The following DNM1L variants were observed in gnomAD, a reference collection of about 807,000 sequenced individuals.
The protein encoded by DNM1L is dynamin-1-like protein.
A neutral mutation model predicts 92.8 loss-of-function variants in DNM1L; 33 were observed. The ratio of observed to expected loss-of-function variants is 0.36; its 90% CI spans 0.27 to 0.48. DNM1L has a LOEUF of 0.48. Among genes scored for constraint, DNM1L ranks in the 20% least tolerant of loss-of-function variants. The pLI, the probability that DNM1L is intolerant of heterozygous loss-of-function variation, is 0.99. For missense variants in DNM1L, 485 were observed against 888.8 expected, an observed-to-expected ratio of 0.55 and a Z score of 5.78; for synonymous variants, 284 against 305.0, an observed-to-expected ratio of 0.93 and a Z score of 0.72.
At chr12:32,736,495 C>G (rs1191625405) in intron 13 of DNM1L, among the ~76,000 whole-genome samples, 1 of 152,156 alleles carries the variant, frequency 6.6e-6, no homozygotes, top group Non-Finnish European at 1.5e-5. Context: ...CAAATTAGAA[C>G]AGTAGGCAAT....
intron 1 of DNM1L, among the ~76,000 whole-genome samples, chr12:32,694,226 C>T (rs1255345229): frequency 6.6e-6 from 1 of 152,192 alleles, no homozygotes; most frequent in African/African-American, 2.4e-5. Flanking sequence ...GCTGGGACTA[C>T]AGGTGCGTGC....
chr12:32,732,446 C>G (rs566219115), intron 12 of DNM1L: 2 of 447,464 alleles, frequency 4.5e-6, no homozygotes, highest in Non-Finnish European at 8.9e-6. Flanking sequence ...CTGAAATTGG[C>G]AGAAATATGG....
intron 9 of DNM1L, among the ~76,000 whole-genome samples, chr12:32,729,723 G>T (rs1227876512): frequency 1.3e-5 from 2 of 152,184 alleles, no homozygotes; most frequent in African/African-American, 2.4e-5. Flanking sequence ...GCCTTCCAAA[G>T]TGTTGGGATT....
At chr12:32,715,625 G>A (rs992597191) in intron 6 of DNM1L, among the ~76,000 whole-genome samples, 1 of 152,058 alleles carries the variant, frequency 6.6e-6, no homozygotes, top group Non-Finnish European at 1.5e-5. Context: ...CCAGCTACTG[G>A]GGAGGCTGAG....
rs186286949 is a variant in DNM1L, at chr12:32,704,583, C to A, written c.251-2784C>A. Among the ~76,000 whole-genome samples the A allele has an allele frequency of 2.2e-3, 341 of 151,712 alleles. 4 individuals carry two copies. The highest frequency in any genetic ancestry group is 0.021 in the Middle Eastern group (6 of 290). On this transcript the variant is annotated intron_variant, in intron 2 of 19. Transcript: ENST00000549701. Reference sequence around the variant, plus strand: ...AAAAAAAATGCAAACATACATGTTTCGTAGAATAATGCTTAAAATCTTGGT... The same window carrying A: ...AAAAAAAATGCAAACATACATGTTTAGTAGAATAATGCTTAAAATCTTGGT...
At chr12:32,730,439 A>T (rs1954477540) in intron 9 of DNM1L, among the ~76,000 whole-genome samples, 1 of 152,238 alleles carries the variant, frequency 6.6e-6, no homozygotes, top group South Asian at 2.1e-4. Context: ...CGGGTGGCTC[A>T]CGCCTGTGAT....
chr12:32,735,835 C>G (rs1251504844), intron 13 of DNM1L, among the ~76,000 whole-genome samples: 1 of 152,060 alleles, frequency 6.6e-6, no homozygotes, highest in African/African-American at 2.4e-5. Context: ...CAAGATCACA[C>G]CACTGCACTC....
chr12:32,729,526 G>A (rs1374037305), intron 9 of DNM1L, among the ~76,000 whole-genome samples: 1 of 152,056 alleles, frequency 6.6e-6, no homozygotes, highest in Non-Finnish European at 1.5e-5. Flanking sequence ...CACAGTTTGG[G>A]CCAGTCTCTG....
intron 5 of DNM1L, 62 bp downstream of exon 5, chr12:32,711,077 A>G: frequency 7.4e-7 from 1 of 1,360,516 alleles, no homozygotes; most frequent in Non-Finnish European, 1.1e-6. Context: ...ATCCCATATG[A>G]GAATAATCAG....
At chr12:32,703,051 CTCTCTCTT>C (rs1952775398) in intron 2 of DNM1L, among the ~76,000 whole-genome samples, 5 of 143,448 alleles carry the variant, frequency 3.5e-5, no homozygotes, top group African/African-American at 5.2e-5. Context: ...GTCTTTCTCT[CTCTCTCTT>C]TTTTTTTTTT....
Position 32,743,367 on chromosome 12 carries a change from C to A in DNM1L, c.2168C>A (p.Ala723Asp). The change falls in exon 20 of 20, where the codon GCC (alanine) becomes GAC (aspartate). Residue 723 changes from alanine (A) to aspartate (D), a missense_variant. Coordinates refer to ENST00000549701, the MANE Select transcript of DNM1L (RefSeq NM_012062.5). ...CCTTTAATGCAGGCATTACAAGGAG[C>A]CAGTCAAATTATTGCTGAAATCCGG... The part of the protein sequence containing the change: ...AADMLKALQG[A>D]SQIIAEIRET... 1 of 1,613,814 alleles carries A rather than the reference C, an allele frequency of 6.2e-7. No homozygotes were observed. The highest frequency in any genetic ancestry group is 8.5e-7 in the Non-Finnish European group (1 of 1,179,966).
At chr12:32,703,109 T>C (rs1349040471) in intron 2 of DNM1L, among the ~76,000 whole-genome samples, 2 of 151,792 alleles carry the variant, frequency 1.3e-5, no homozygotes, top group African/African-American at 4.8e-5. Flanking sequence ...AGAGGGCCCA[T>C]GATATCCTGT....
intron 9 of DNM1L, among the ~76,000 whole-genome samples, chr12:32,724,047 C>T (rs1427859190): frequency 3.3e-5 from 5 of 152,164 alleles, no homozygotes; most frequent in Non-Finnish European, 4.4e-5. Flanking sequence ...AGTCCACCCT[C>T]GCCATCGTCA....
rs1231369592 is a variant in DNM1L, at chr12:32,724,622, AT to A, written c.1079+1991del. On this transcript the variant is annotated intron_variant, in intron 9 of 19. Transcript: ENST00000549701. ...TATATATATATATATATATATATAA[AT>A]TATATTAATTAAATATAAATTAAAT... Among the ~76,000 whole-genome samples the A allele has an allele frequency of 3.6e-3, 503 of 138,994 alleles. 4 individuals are homozygous for A. Among genetic ancestry groups the A allele is most frequent in the Middle Eastern group, 7.6e-3 (2 of 264 alleles). 91.2% of individuals were successfully genotyped at this position (138,994 alleles called of 152,430 possible).
intron 2 of DNM1L, 99 bp downstream of exon 2, chr12:32,701,661 T>C: frequency 9.3e-7 from 1 of 1,073,096 alleles, no homozygotes; most frequent in East Asian, 2.5e-5. Context: ...TTAGTGACTG[T>C]AGCATAGTTA....
intron 1 of DNM1L, among the ~76,000 whole-genome samples, chr12:32,684,697 G>A (rs1413893112): frequency 2.0e-5 from 3 of 152,190 alleles, no homozygotes; most frequent in Non-Finnish European, 2.9e-5. Context: ...TCGAACTCCT[G>A]ACCTCAAGTG....
intron 1 of DNM1L, among the ~76,000 whole-genome samples, chr12:32,695,547 A>T (rs1592579712): frequency 1.3e-5 from 2 of 152,188 alleles, no homozygotes; most frequent in Admixed American, 1.3e-4. Context: ...AGGCAGGAGG[A>T]TTCGCTTGAG....
intron 9 of DNM1L, among the ~76,000 whole-genome samples, chr12:32,729,834 T>C (rs1954429461): frequency 6.6e-6 from 1 of 152,192 alleles, no homozygotes; most frequent in African/African-American, 2.4e-5. Context: ...ATTTGTCCTT[T>C]TGTGCTTGGC....
At chr12:32,716,733 CTATATATAG>C (rs1378426965) in intron 6 of DNM1L, among the ~76,000 whole-genome samples, 1 of 132,480 alleles carries the variant, frequency 7.5e-6, no homozygotes, top group Non-Finnish European at 1.6e-5. Flanking sequence ...TATATATACA[CTATATATAG>C]TATATATATA....
Sources: gnomAD v4.1 joint callset for allele counts (sites outside exome capture counted in the v4.1 genomes callset) on GRCh38, gnomAD v4.1.1 for gene constraint, MANE v1.5 for transcripts, NCBI Gene and HGNC (gene_info 2026-07-23, HGNC 2026-07-21) for gene names.